BLTP1: variants seen among roughly 807,000 people sequenced by gnomAD.
BLTP1 encodes the protein bridge-like lipid transfer protein family member 1, also known as fragile site-associated protein.
the BLTP1 span, among the ~76,000 whole-genome samples, chr4:122,195,983 ACT>A: frequency 6.6e-6 from 1 of 152,138 alleles, no homozygotes; most frequent in Non-Finnish European, 1.5e-5. Context: ...CATGTAGAAG[ACT>A]CTGAATTGAA....
the BLTP1 span, chr4:122,336,831 A>T: frequency 6.5e-7 from 1 of 1,537,740 alleles, no homozygotes; most frequent in African/African-American, 1.4e-5. Flanking sequence ...CTTTTAATAA[A>T]TAGTTTGCCT....
the BLTP1 span, chr4:122,286,549 A>T: frequency 6.2e-7 from 1 of 1,614,076 alleles, no homozygotes; most frequent in South Asian, 1.1e-5. Flanking sequence ...AGGTGCACAG[A>T]CAAGATTTAC....
At chr4:122,246,826 T>C in the BLTP1 span, 3 of 1,610,108 alleles carry the variant, frequency 1.9e-6, no homozygotes, top group Non-Finnish European at 1.7e-6. Context: ...AAATACTTTA[T>C]TAATCTGAGC....
At chr4:122,263,092 C>A in the BLTP1 span, 1 of 1,371,532 alleles carries the variant, frequency 7.3e-7, no homozygotes, top group Non-Finnish European at 9.6e-7. Flanking sequence ...ACTAATCTCT[C>A]ATACCTTATC....
the BLTP1 span, chr4:122,250,212 A>G: frequency 1.2e-6 from 1 of 853,174 alleles, no homozygotes; most frequent in African/African-American, 1.7e-5. Flanking sequence ...TATTTACCTG[A>G]TAATTCAGTG....
the BLTP1 span, chr4:122,307,492 G>T: frequency 1.0e-6 from 1 of 985,258 alleles, no homozygotes; most frequent in African/African-American, 1.7e-5. Flanking sequence ...CTTAAGGTTT[G>T]TTTCTGTTTA....
chr4:122,275,045 A>G, the BLTP1 span, among the ~76,000 whole-genome samples: 36 of 152,092 alleles, frequency 2.4e-4, no homozygotes, highest in Non-Finnish European at 5.1e-4. Context: ...TTGGACCTAT[A>G]AGTGTAGAAC....
At chr4:122,240,127 T>A in the BLTP1 span, 1 of 1,614,150 alleles carries the variant, frequency 6.2e-7, no homozygotes, top group Non-Finnish European at 8.5e-7. Context: ...CTATATATTG[T>A]AGAAGGTGAG....
chr4:122,336,168 A>C, the BLTP1 span: 1 of 1,542,936 alleles, frequency 6.5e-7, no homozygotes, highest in South Asian at 1.2e-5. Flanking sequence ...AAAATCCATT[A>C]AATGGAATTT....
At chr4:122,324,607 T>C in the BLTP1 span, 1 of 1,222,886 alleles carries the variant, frequency 8.2e-7, no homozygotes, top group East Asian at 2.6e-5. Flanking sequence ...AACTACTTTT[T>C]TATGTTCTAA....
the BLTP1 span, among the ~76,000 whole-genome samples, chr4:122,255,455 G>A: frequency 6.6e-6 from 1 of 152,286 alleles, no homozygotes. Context: ...CCAAGAGCTG[G>A]CCAACATGGC....
the BLTP1 span, chr4:122,274,732 ATAT>A: frequency 2.0e-6 from 1 of 489,812 alleles, no homozygotes; most frequent in South Asian, 8.7e-5. Context: ...CTCTTTCTTA[ATAT>A]TATGACTAGT....
the BLTP1 span, chr4:122,196,540 T>C: frequency 1.0e-6 from 1 of 982,334 alleles, no homozygotes; most frequent in Non-Finnish European, 1.5e-6. Context: ...GTGATAGCAA[T>C]GATAATAAAA....
At chr4:122,351,256 G>C in the BLTP1 span, 2 of 914,958 alleles carry the variant, frequency 2.2e-6, no homozygotes, top group African/African-American at 3.6e-5. Context: ...AAAAAAACTA[G>C]AAAACACAAG....
At chr4:122,260,055 A>G in the BLTP1 span, 1 of 336,836 alleles carries the variant, frequency 3.0e-6, no homozygotes, top group South Asian at 1.2e-4. Flanking sequence ...GTCATTGTGT[A>G]AACATCATAG....
At chr4:122,175,365 A>T in the BLTP1 span, 1 of 625,442 alleles carries the variant, frequency 1.6e-6, no homozygotes. Flanking sequence ...TAGGTTATTT[A>T]TGAGAAATGA....
At chr4:122,274,480 CA>C in the BLTP1 span, 3 of 1,564,300 alleles carry the variant, frequency 1.9e-6, no homozygotes, top group Middle Eastern at 1.7e-4. Context: ...TAGTTTTAGA[CA>C]AAAATGGAAA....
At chr4:122,167,839 T>G in the BLTP1 span, 7 of 985,450 alleles carry the variant, frequency 7.1e-6, no homozygotes, top group Non-Finnish European at 8.4e-6. Context: ...ACTCTTAGAT[T>G]GAACTGTTCA....
chr4:122,241,211 TA>T, the BLTP1 span, among the ~76,000 whole-genome samples: 2 of 152,154 alleles, frequency 1.3e-5, no homozygotes, highest in Non-Finnish European at 2.9e-5. Context: ...TAGGAGGACC[TA>T]GGGGCACTGC....
Sources: gnomAD v4.1 joint callset for allele counts (sites outside exome capture counted in the v4.1 genomes callset) on GRCh38, gnomAD v4.1.1 for gene constraint, MANE v1.5 for transcripts, NCBI Gene and HGNC (gene_info 2026-07-23, HGNC 2026-07-21) for gene names.